The following MORN1 variants were observed in gnomAD, a reference collection of about 807,000 sequenced individuals.
MORN1 encodes the protein MORN repeat containing 1.
MORN1 carries 67 observed loss-of-function variants against 61.9 expected under a neutral mutation model. The ratio of observed to expected loss-of-function variants is 1.08; its 90% CI spans 0.89 to 1.33. The LOEUF (loss-of-function observed/expected upper bound fraction) is 1.33, where lower values mean the gene tolerates loss of function less well. MORN1 is among the 40% of genes most tolerant of loss of function. The pLI, the probability that MORN1 is intolerant of heterozygous loss-of-function variation, is 0.00. For missense variants in MORN1, 752 were observed against 691.2 expected (o/e 1.09, Z -0.99); for synonymous variants, 301 against 292.0 (o/e 1.03, Z -0.31).
intron 12 of MORN1, among the ~76,000 whole-genome samples, chr1:2,325,153 TTCCCTCCC>T (rs1569904491): frequency 2.0e-5 from 2 of 102,074 alleles, no homozygotes; most frequent in African/African-American, 4.2e-5. Context: ...CCTCCCTTCC[TTCCCTCCC>T]TTCCTTCCTT....
rs1363572912 is a variant in MORN1, at chr1:2,379,100, A to C, written c.538-4543T>G. On this transcript the variant is annotated intron_variant, in intron 6 of 13. Coordinates refer to ENST00000378531, the MANE Select transcript of MORN1 (RefSeq NM_024848.3). ...GCAAGGCAGGAGACACGGTTTGCAG[A>C]AAACACACCTGCTGTCGAGAGGGAG... 1.9e-5 allele frequency: 9 copies of C among 471,086 alleles called. No homozygotes were observed. In the Admixed American group the frequency reaches 2.1e-4, roughly 11 times the overall value. 29.2% of individuals were successfully genotyped at this position (471,086 alleles called of 1,614,324 possible). A position where few individuals can be genotyped will look rare whatever the true frequency, so the allele number is the denominator to read the frequency against.
chr1:2,364,356 T>C (rs1348621566), intron 8 of MORN1, among the ~76,000 whole-genome samples: 2 of 152,056 alleles, frequency 1.3e-5, no homozygotes, highest in Non-Finnish European at 2.9e-5. Flanking sequence ...TTTTGGTGCA[T>C]AAATGTCTTC....
intron 10 of MORN1, chr1:2,350,312 A>G (rs1156880463): frequency 6.6e-6 from 1 of 152,264 alleles, no homozygotes; most frequent in Non-Finnish European, 1.5e-5. Context: ...TTGAAAGTTA[A>G]AAACAACTAA....
chr1:2,335,847 G>GCCCAGCCCAGCCCAGCCCAGCCCAGCC (rs1557870549), intron 12 of MORN1, among the ~76,000 whole-genome samples: 3 of 134,828 alleles, frequency 2.2e-5, no homozygotes, highest in African/African-American at 1.2e-4. Context: ...CCAGCCCAGC[G>GCCCAGCCCAGCCCAGCCCAGCCCAGCC]CGCAGCTGCC....
chr1:2,327,179 CAGAGACACAG>C (rs1380557527), intron 12 of MORN1, among the ~76,000 whole-genome samples: 1 of 125,062 alleles, frequency 8.0e-6, no homozygotes, highest in African/African-American at 3.5e-5. Flanking sequence ...GAAACAAACA[CAGAGACACAG>C]AGACACAGAA....
intron 11 of MORN1, 69 bp from the exon 12 acceptor site, chr1:2,336,617 A>AC (rs1641285245): frequency 1.9e-6 from 3 of 1,595,102 alleles, no homozygotes; most frequent in East Asian, 2.2e-5. Context: ...CTCTGCTCCA[A>AC]CCCCCCTGGG....
chr1:2,322,885 T>C, intron 13 of MORN1: 1 of 985,394 alleles, frequency 1.0e-6, no homozygotes, highest in South Asian at 4.7e-5. Context: ...GGGCTCTGGC[T>C]GGTGGCCACC....
Position 2,356,967 on chromosome 1 carries a change from G to A in MORN1, c.1036+465C>T, listed in dbSNP as rs374205400. ...CTGGGCCTCATCTCCACGAAGAAAC[G>A]TGAGGCAACCCGTGCAGAAGCGGAG... is the stretch of plus-strand genomic sequence containing the variant. On this transcript the variant is annotated intron_variant, in intron 10 of 13. Transcript: ENST00000378531. Among the ~76,000 whole-genome samples, 36 of 152,280 alleles carry A rather than the reference G, an allele frequency of 2.4e-4. No homozygotes were observed. In the East Asian group the frequency reaches 3.1e-3, roughly 13 times the overall value.
intron 10 of MORN1, chr1:2,352,270 G>A (rs146055592): frequency 3.7e-4 from 71 of 191,314 alleles, no homozygotes; most frequent in Middle Eastern, 2.2e-3. Context: ...GGGGCATGAC[G>A]GCTAGAGCCT....
intron 8 of MORN1, among the ~76,000 whole-genome samples, chr1:2,360,084 C>G (rs1292954660): frequency 6.6e-6 from 1 of 152,170 alleles, no homozygotes; most frequent in African/African-American, 2.4e-5. Context: ...TGGGGCTACC[C>G]CCAATCATCA....
At chr1:2,327,411 G>C (rs1333768186) in intron 12 of MORN1, among the ~76,000 whole-genome samples, 1 of 150,846 alleles carries the variant, frequency 6.6e-6, no homozygotes, top group Non-Finnish European at 1.5e-5. Flanking sequence ...AACAAACACA[G>C]AGACACAGAG....
chr1:2,381,359 C>T (rs943296848), intron 6 of MORN1, among the ~76,000 whole-genome samples: 2 of 152,230 alleles, frequency 1.3e-5, no homozygotes, highest in South Asian at 2.1e-4. Flanking sequence ...AGCTCACTGG[C>T]CATGGTCTGC....
intron 10 of MORN1, among the ~76,000 whole-genome samples, chr1:2,341,676 C>T (rs891332124): frequency 4.8e-5 from 7 of 145,464 alleles, no homozygotes; most frequent in Admixed American, 2.1e-4. Flanking sequence ...GGCCACAGAG[C>T]GAGACTCCGT....
intron 10 of MORN1, among the ~76,000 whole-genome samples, chr1:2,353,547 G>A (rs1306012142): frequency 1.3e-5 from 2 of 152,232 alleles, no homozygotes; most frequent in Non-Finnish European, 2.9e-5. Context: ...GACACCTCTG[G>A]GCCTCCCGGC....
intron 8 of MORN1, among the ~76,000 whole-genome samples, chr1:2,368,050 T>C (rs1642034468): frequency 6.6e-6 from 1 of 152,254 alleles, no homozygotes; most frequent in African/African-American, 2.4e-5. Flanking sequence ...TTGGGTTTCA[T>C]CGAAACTTAA....
rs1267027249 is a variant in MORN1 at position 2,357,073 on chromosome 1, C to A, written c.1036+359G>T. 6.6e-6 allele frequency among the ~76,000 whole-genome samples: 1 copy of A among 152,256 alleles called. No homozygotes were observed. The highest frequency in any genetic ancestry group is 1.5e-5 in the Non-Finnish European group (1 of 67,994). On this transcript the variant is annotated intron_variant, in intron 10 of 13. Transcript: ENST00000378531. This position sits in a 1 kb window ranked among gnomAD's most constrained non-coding sequence, Gnocchi z 6.3. Reference sequence around the variant, plus strand: ...GGCCGGCGGCTGCTGTGAGGGCTCCCGGGCGGCAGGAGTGGCTGGGGCCGT... The same window carrying A: ...GGCCGGCGGCTGCTGTGAGGGCTCCAGGGCGGCAGGAGTGGCTGGGGCCGT...
At chr1:2,326,904 G>C (rs764016323) in intron 12 of MORN1, among the ~76,000 whole-genome samples, 3 of 152,234 alleles carry the variant, frequency 2.0e-5, no homozygotes, top group Non-Finnish European at 4.4e-5. Context: ...CTCACCCAGG[G>C]TCTGTGTGTG....
chr1:2,323,894 C>G (rs1354819933), intron 13 of MORN1: 3 of 985,066 alleles, frequency 3.0e-6, no homozygotes, highest in African/African-American at 1.7e-5. Context: ...CTTTCTGGAC[C>G]GTCCCCAGCC....
At chr1:2,353,652 C>T (rs915142459) in intron 10 of MORN1, among the ~76,000 whole-genome samples, 16 of 152,248 alleles carry the variant, frequency 1.1e-4, no homozygotes, top group Non-Finnish European at 2.1e-4. Flanking sequence ...GAAATGATTC[C>T]GTTTCCTCTG....
Sources: gnomAD v4.1 joint callset for allele counts (sites outside exome capture counted in the v4.1 genomes callset) on GRCh38, gnomAD v4.1.1 for gene constraint, Gnocchi (gnomAD v3.1) non-coding constraint, MANE v1.5 for transcripts, NCBI Gene and HGNC (gene_info 2026-07-23, HGNC 2026-07-21) for gene names.